The following GABRG2 variants were observed in gnomAD, a reference collection of about 807,000 sequenced individuals.
GABRG2 encodes gamma-aminobutyric acid receptor subunit gamma-2.
Under a neutral mutation model 56.4 loss-of-function variants are expected in GABRG2, and 16 were observed. That is an observed-to-expected ratio of 0.28 (90% CI 0.19 to 0.43). The LOEUF (loss-of-function observed/expected upper bound fraction) is 0.43. Ranked by LOEUF, GABRG2 falls within the 20% of genes least tolerant of loss-of-function variation. The probability of loss-of-function intolerance (pLI) is 1.00; values close to 1 mark genes in which losing one functional copy is unlikely to be tolerated. For missense variants in GABRG2, 327 were observed against 582.7 expected (o/e 0.56, Z 4.52); for synonymous variants, 208 against 205.5 (o/e 1.01, Z -0.10).
At chr5:162,096,363 G>A (rs1434569310) in intron 3 of GABRG2, among the ~76,000 whole-genome samples, 1 of 152,056 alleles carries the variant, frequency 6.6e-6, no homozygotes, top group African/African-American at 2.4e-5. Flanking sequence ...TTATTTAAAT[G>A]CAGAACTTTC....
chr5:162,084,325 A>G (rs1759888989), intron 1 of GABRG2, among the ~76,000 whole-genome samples: 2 of 151,882 alleles, frequency 1.3e-5, no homozygotes, highest in African/African-American at 2.4e-5. Flanking sequence ...GGCTATCTTA[A>G]TATCACAAAA....
At chr5:162,095,776 T>C (rs1760956119) in intron 3 of GABRG2, among the ~76,000 whole-genome samples, 1 of 152,080 alleles carries the variant, frequency 6.6e-6, no homozygotes, top group African/African-American at 2.4e-5. Flanking sequence ...TATATATAAT[T>C]AATTTGTGTA....
chr5:162,086,743 A>AT (rs1470702513), intron 1 of GABRG2, among the ~76,000 whole-genome samples: 3 of 151,850 alleles, frequency 2.0e-5, no homozygotes, highest in Non-Finnish European at 4.4e-5. Flanking sequence ...TCAGATTTTT[A>AT]TTTTTCAAAT....
intron 6 of GABRG2, chr5:162,129,191 A>C (rs1763545512): frequency 6.6e-6 from 1 of 152,036 alleles, no homozygotes; most frequent in Admixed American, 6.6e-5. Flanking sequence ...ATCAATGTTT[A>C]TGTCACCAGA....
intron 6 of GABRG2, among the ~76,000 whole-genome samples, chr5:162,132,132 T>C (rs1363629520): frequency 1.3e-5 from 2 of 149,844 alleles, no homozygotes; most frequent in African/African-American, 4.8e-5. Flanking sequence ...TTTTACAAAA[T>C]AGGAAACTGA....
chr5:162,089,523 C>G (rs966934561), intron 1 of GABRG2, among the ~76,000 whole-genome samples: 3 of 151,856 alleles, frequency 2.0e-5, no homozygotes, highest in African/African-American at 7.3e-5. Flanking sequence ...TTTATTTTGA[C>G]GTATAAAATA....
intron 1 of GABRG2, among the ~76,000 whole-genome samples, chr5:162,071,283 A>G (rs989855688): frequency 1.3e-5 from 2 of 151,448 alleles, no homozygotes; most frequent in East Asian, 1.9e-4. Flanking sequence ...CCCTAAAGGG[A>G]AAAAAATATA....
intron 8 of GABRG2, 112 bp from the exon 9 acceptor site, chr5:162,151,618 G>A (rs1238214543): frequency 2.2e-6 from 2 of 900,340 alleles, no homozygotes; most frequent in African/African-American, 1.7e-5. Flanking sequence ...TTCACTTACT[G>A]TGTTTTCAAA....
intron 9 of GABRG2, chr5:162,152,672 C>A: frequency 2.9e-6 from 1 of 350,870 alleles, no homozygotes; most frequent in South Asian, 3.6e-5. Flanking sequence ...TTGCCTATAA[C>A]TAAGCATGAC....
In GABRG2 at chr5:162,123,317, G is replaced by A. The variant is rs188969724; in HGVS notation, c.770-18847G>A. Reference sequence around the variant, plus strand: ...TTTGTTTGGAATTAGTCATGGATAAGATATAATCATCTTTATTGGACTCTA... The same window carrying A: ...TTTGTTTGGAATTAGTCATGGATAAAATATAATCATCTTTATTGGACTCTA... On this transcript the variant is annotated intron_variant, in intron 6 of 9. Transcript: ENST00000639213. Among the ~76,000 whole-genome samples the A allele has an allele frequency of 1.8e-3, 277 of 151,572 alleles. 1 individual carries two copies. The highest frequency in any genetic ancestry group is 4.9e-3 in the Admixed American group (74 of 15,178).
intron 1 of GABRG2, among the ~76,000 whole-genome samples, chr5:162,092,355 A>G (rs1760667318): frequency 6.6e-6 from 1 of 152,158 alleles, no homozygotes. Context: ...GGCCTTTTGC[A>G]GATGTATTTT....
intron 6 of GABRG2, among the ~76,000 whole-genome samples, chr5:162,141,514 T>C (rs1026996390): frequency 6.6e-6 from 1 of 152,158 alleles, no homozygotes; most frequent in Admixed American, 6.5e-5. Flanking sequence ...TGAGCTTAAA[T>C]GGGAACTGTT....
In GABRG2 at chr5:162,093,974, T is replaced by A; in HGVS notation, c.254T>A (p.Ile85Lys). The A allele has an allele frequency of 6.2e-7, 1 of 1,613,120 alleles. No homozygotes were observed. The highest frequency in any genetic ancestry group is 8.5e-7 in the Non-Finnish European group (1 of 1,179,366). Residue 85 changes from isoleucine to lysine, a missense_variant, in exon 2 of 10, where the codon ATA (isoleucine) becomes AAA (lysine). Coordinates refer to ENST00000639213, the MANE Select transcript of GABRG2 (RefSeq NM_198904.4). The part of the protein sequence containing the change: ...EGYDNKLRPD[I>K]GVKPTLIHTD... ...TATGACAATAAACTTCGGCCTGATA[T>A]AGGAGGTTTGTTAAAGTCTTTTGCG...
chr5:162,092,265 A>T (rs1760659946), intron 1 of GABRG2, among the ~76,000 whole-genome samples: 1 of 152,070 alleles, frequency 6.6e-6, no homozygotes, highest in Non-Finnish European at 1.5e-5. Flanking sequence ...TATACCCACT[A>T]TGGGCACTCT....
At chr5:162,126,666 C>T (rs1271893835) in intron 6 of GABRG2, among the ~76,000 whole-genome samples, 1 of 151,968 alleles carries the variant, frequency 6.6e-6, no homozygotes, top group Non-Finnish European at 1.5e-5. Flanking sequence ...CTTTCTCCAC[C>T]TTCCCCTTCA....
At chr5:162,073,971 A>C (rs185991504) in intron 1 of GABRG2, among the ~76,000 whole-genome samples, 4 of 152,102 alleles carry the variant, frequency 2.6e-5, no homozygotes, top group Non-Finnish European at 1.5e-5. Context: ...ATCACATTGC[A>C]CAAGTATAGT....
intron 6 of GABRG2, among the ~76,000 whole-genome samples, chr5:162,113,151 T>C (rs1415711550): frequency 1.3e-5 from 2 of 151,804 alleles, no homozygotes; most frequent in East Asian, 1.9e-4. Context: ...TGTTGGCCAG[T>C]TTGGTCTCAA....
At chr5:162,152,452 A>T (rs1023854215) in intron 9 of GABRG2, 3 of 483,662 alleles carry the variant, frequency 6.2e-6, no homozygotes, top group Non-Finnish European at 1.2e-5. Context: ...ACAAGTAGTA[A>T]CCTTCTTTTC....
chr5:162,108,851 A>C (rs1762022037), intron 6 of GABRG2, among the ~76,000 whole-genome samples: 2 of 152,174 alleles, frequency 1.3e-5, no homozygotes, highest in African/African-American at 4.8e-5. Flanking sequence ...ACCCACCTTA[A>C]GAAAACATGA....
Sources: gnomAD v4.1 joint callset for allele counts (sites outside exome capture counted in the v4.1 genomes callset) on GRCh38, gnomAD v4.1.1 for gene constraint, MANE v1.5 for transcripts, NCBI Gene and HGNC (gene_info 2026-07-23, HGNC 2026-07-21) for gene names.